The following FCHSD2 variants were observed in gnomAD, a reference collection of about 807,000 sequenced individuals.
FCHSD2 encodes the protein F-BAR and double SH3 domains protein 2.
In FCHSD2, 38 loss-of-function variants were observed where a neutral mutation model predicts 108.1. That is an observed-to-expected ratio of 0.35 (90% confidence interval 0.27 to 0.46). The LOEUF (loss-of-function observed/expected upper bound fraction) is 0.46, where lower values mean the gene tolerates loss of function less well. Ranked by LOEUF, FCHSD2 falls within the 20% of genes least tolerant of loss-of-function variation. The pLI is 1.00. For missense variants in FCHSD2, 751 were observed against 897.8 expected, an observed-to-expected ratio of 0.84 and a Z score of 2.09; for synonymous variants, 279 against 314.7, an observed-to-expected ratio of 0.89 and a Z score of 1.20.
At chr11:72,890,050 C>T in intron 10 of FCHSD2, 105 bp from the exon 11 acceptor site, 1 of 669,210 alleles carries the variant, frequency 1.5e-6, no homozygotes, top group South Asian at 1.7e-5. Context: ...GCACTCAAAA[C>T]ATGAGGCACG....
intron 2 of FCHSD2, among the ~76,000 whole-genome samples, chr11:73,129,019 G>A (rs1297813326): frequency 2.0e-5 from 3 of 152,046 alleles, no homozygotes; most frequent in Non-Finnish European, 4.4e-5. Context: ...CTACAGGCAT[G>A]TGCCACCGTG....
chr11:73,055,825 T>C lies in FCHSD2; in HGVS notation c.165+27870A>G, dbSNP rs993469835. Among the ~76,000 whole-genome samples the C allele has an allele frequency of 5.9e-5, 9 of 152,134 alleles. 1 individual carries two copies. The South Asian group carries it at 1.5e-3, about 25-fold the overall frequency. On this transcript the variant is annotated intron_variant, in intron 3 of 19. Transcript: ENST00000409418. ...ATATGAAGTATCTAGACTAGGCAAA[T>C]TTATAGAAACAGAAAGTAGATTCAG...
In FCHSD2 at chr11:72,936,108, C is replaced by T. The variant is rs112137719; in HGVS notation, c.706-14158G>A. The stretch of plus-strand genomic sequence containing the variant: ...ACTAGCAACCATCACTCTGGGAAGA[C>T]ACTGACCGTTCTTGAGCTTTCCATT... On this transcript the variant is annotated intron_variant, in intron 8 of 19. Transcript: ENST00000409418. 5.4e-3 allele frequency among the ~76,000 whole-genome samples: 829 copies of T among 152,334 alleles called. 3 individuals are homozygous for T. The highest frequency in any genetic ancestry group is 9.3e-3 in the Non-Finnish European group (635 of 68,036).
At chr11:72,861,648 G>C (rs1419880550) in intron 13 of FCHSD2, among the ~76,000 whole-genome samples, 2 of 152,168 alleles carry the variant, frequency 1.3e-5, no homozygotes, top group Non-Finnish European at 2.9e-5. Flanking sequence ...AGAAAGGATA[G>C]GCCGGGCGCG....
chr11:73,053,592 T>C (rs1346209420), intron 3 of FCHSD2, among the ~76,000 whole-genome samples: 2 of 152,354 alleles, frequency 1.3e-5, no homozygotes, highest in East Asian at 3.9e-4. Context: ...TTGTGAGTAG[T>C]ACTGTCGTCA....
chr11:73,127,711 A>G (rs1161579290), intron 2 of FCHSD2, among the ~76,000 whole-genome samples: 2 of 152,194 alleles, frequency 1.3e-5, no homozygotes, highest in African/African-American at 4.8e-5. Flanking sequence ...CAAATTATTC[A>G]GCTAAGGGTG....
intron 8 of FCHSD2, among the ~76,000 whole-genome samples, chr11:72,939,152 T>C (rs1327979722): frequency 6.6e-6 from 1 of 152,152 alleles, no homozygotes; most frequent in Non-Finnish European, 1.5e-5. Flanking sequence ...CACATGTCCA[T>C]TCTAAAGTCA....
At chr11:73,120,916 G>A (rs1489148164) in intron 2 of FCHSD2, among the ~76,000 whole-genome samples, 1 of 151,402 alleles carries the variant, frequency 6.6e-6, no homozygotes, top group Non-Finnish European at 1.5e-5. Context: ...CACAGGCAGA[G>A]TCAAAAACAT....
chr11:73,125,299 G>A lies in FCHSD2; in HGVS notation c.119+14732C>T, dbSNP rs777632636. On this transcript the variant is annotated intron_variant, in intron 2 of 19. Coordinates refer to ENST00000409418, the MANE Select transcript of FCHSD2 (RefSeq NM_014824.3). The stretch of plus-strand genomic sequence containing the variant: ...TTAAAGAAAACTAACATTATATTAC[G>A]AGGTTTATAAGCAGCACAAAGTCTG... Among the ~76,000 whole-genome samples the A allele has an allele frequency of 4.1e-4, 62 of 152,170 alleles. 1 individual carries two copies. The highest frequency in any genetic ancestry group is 2.2e-4 in the Non-Finnish European group (15 of 68,018).
intron 2 of FCHSD2, among the ~76,000 whole-genome samples, chr11:73,111,968 T>C (rs1462483607): frequency 6.6e-6 from 1 of 152,204 alleles, no homozygotes; most frequent in Non-Finnish European, 1.5e-5. Context: ...TTAAAAGCTG[T>C]TGTAGTTAAT....
intron 2 of FCHSD2, among the ~76,000 whole-genome samples, chr11:73,112,658 G>C (rs537643947): frequency 5.3e-5 from 8 of 152,104 alleles, no homozygotes; most frequent in African/African-American, 1.9e-4. Flanking sequence ...TGGTGGTGTT[G>C]GTGTTGTTGA....
chr11:73,009,631 C>G (rs1046620017), intron 4 of FCHSD2, among the ~76,000 whole-genome samples: 8 of 152,050 alleles, frequency 5.3e-5, no homozygotes, highest in African/African-American at 1.9e-4. Flanking sequence ...AAAGAATTTA[C>G]TTCTCCTTCA....
At chr11:73,040,511 T>C (rs770806553) in intron 3 of FCHSD2, among the ~76,000 whole-genome samples, 12 of 152,176 alleles carry the variant, frequency 7.9e-5, no homozygotes, top group Non-Finnish European at 1.5e-4. Context: ...CTACCTCTTA[T>C]CAATATCAAG....
intron 12 of FCHSD2, among the ~76,000 whole-genome samples, chr11:72,877,269 G>A (rs1361227446): frequency 6.6e-6 from 1 of 152,064 alleles, no homozygotes; most frequent in Non-Finnish European, 1.5e-5. Flanking sequence ...TTGCCTTTCA[G>A]TTATTGTTTC....
intron 4 of FCHSD2, among the ~76,000 whole-genome samples, chr11:73,004,528 C>T (rs1248578363): frequency 6.6e-6 from 1 of 152,082 alleles, no homozygotes; most frequent in African/African-American, 2.4e-5. Flanking sequence ...TGTCTCTTGC[C>T]CCTCTCATAA....
intron 2 of FCHSD2, among the ~76,000 whole-genome samples, chr11:73,118,696 A>C (rs919227956): frequency 3.3e-5 from 5 of 152,210 alleles, no homozygotes; most frequent in African/African-American, 1.2e-4. Flanking sequence ...ATGTGATCAG[A>C]GAATATGATG....
intron 2 of FCHSD2, among the ~76,000 whole-genome samples, chr11:73,124,099 C>G (rs1047089684): frequency 6.6e-6 from 1 of 152,228 alleles, no homozygotes; most frequent in South Asian, 2.1e-4. Context: ...GATGCGTTCA[C>G]GTCCTTTGTA....
At chr11:73,130,135 A>G (rs1438872510) in intron 2 of FCHSD2, among the ~76,000 whole-genome samples, 1 of 151,958 alleles carries the variant, frequency 6.6e-6, no homozygotes, top group African/African-American at 2.4e-5. Context: ...TGGCCTCCCA[A>G]AGTGCTGGGA....
intron 8 of FCHSD2, among the ~76,000 whole-genome samples, chr11:72,931,782 T>C (rs549576009): frequency 2.0e-5 from 3 of 152,176 alleles, no homozygotes; most frequent in Admixed American, 6.5e-5. Flanking sequence ...CAAAAAACTC[T>C]TCTTACATCT....
Sources: gnomAD v4.1 joint callset for allele counts (sites outside exome capture counted in the v4.1 genomes callset) on GRCh38, gnomAD v4.1.1 for gene constraint, MANE v1.5 for transcripts, NCBI Gene and HGNC (gene_info 2026-07-23, HGNC 2026-07-21) for gene names.